Variants in RALYL observed in about 807,000 individuals in gnomAD.
RALYL encodes RNA-binding Raly-like protein.
A neutral mutation model predicts 35.1 loss-of-function variants in RALYL; 29 were observed. The ratio of observed to expected loss-of-function variants is 0.83; its 90% CI spans 0.61 to 1.13. The LOEUF (loss-of-function observed/expected upper bound fraction) is 1.13, where lower values mean the gene tolerates loss of function less well. RALYL is among the 50% of genes most tolerant of loss of function. The probability of loss-of-function intolerance (pLI) is 0.00; values close to 1 mark genes in which losing one functional copy is unlikely to be tolerated. For synonymous variants in RALYL, 120 were observed against 127.6 expected (o/e 0.94, Z 0.40); for missense variants, 359 against 360.4 (o/e 1.00, Z 0.03).
intron 8 of RALYL, chr8:84,906,961 GGGTT>G: frequency 2.0e-6 from 2 of 985,252 alleles, no homozygotes; most frequent in Non-Finnish European, 2.4e-6. Flanking sequence ...ACAAGCTCCG[GGGTT>G]GCCTGCTCCA....
chr8:84,298,970 A>G (rs7830544), intron 1 of RALYL, among the ~76,000 whole-genome samples: 7,419 of 152,078 alleles, frequency 0.049, 284 homozygotes, highest in African/African-American at 0.088. Context: ...AAGAGACTAT[A>G]GAGTTTTCTA....
intron 1 of RALYL, among the ~76,000 whole-genome samples, chr8:84,253,171 C>G (rs1830523488): frequency 9.1e-6 from 1 of 110,346 alleles, no homozygotes; most frequent in East Asian, 2.8e-4. Context: ...GTGTGTAGTT[C>G]TGCAGTTTTT....
intron 2 of RALYL, among the ~76,000 whole-genome samples, chr8:84,564,402 T>G (rs2061648282): frequency 6.6e-6 from 1 of 151,766 alleles, no homozygotes; most frequent in Non-Finnish European, 1.5e-5. Context: ...TTTCCTGGAC[T>G]AAGCTTCACC....
At chr8:84,848,849 T>C (rs1244700737) in intron 4 of RALYL, among the ~76,000 whole-genome samples, 4 of 152,170 alleles carry the variant, frequency 2.6e-5, no homozygotes, top group African/African-American at 4.8e-5. Context: ...CTTTTTTTTT[T>C]AAATTACTCC....
chr8:84,729,093 C>G (rs903970823), intron 2 of RALYL, among the ~76,000 whole-genome samples: 3 of 152,126 alleles, frequency 2.0e-5, no homozygotes, highest in Admixed American at 6.6e-5. Flanking sequence ...GATATTGATT[C>G]TTCCTACCCA....
At chr8:84,398,000 G>T (rs2042517299) in intron 1 of RALYL, among the ~76,000 whole-genome samples, 1 of 152,162 alleles carries the variant, frequency 6.6e-6, no homozygotes, top group South Asian at 2.1e-4. Flanking sequence ...TTCACTTGAG[G>T]TAAATAGTTT....
intron 1 of RALYL, among the ~76,000 whole-genome samples, chr8:84,366,542 TGAG>T (rs1231466265): frequency 6.6e-6 from 1 of 151,940 alleles, no homozygotes; most frequent in Non-Finnish European, 1.5e-5. Context: ...TTTGGGAGGC[TGAG>T]GAGGGCAGAT....
chr8:84,478,149 T>A (rs1258970205), intron 1 of RALYL, among the ~76,000 whole-genome samples: 1 of 152,142 alleles, frequency 6.6e-6, no homozygotes, highest in Non-Finnish European at 1.5e-5. Context: ...ATTGTAGATT[T>A]TTTAAATGAG....
chr8:84,699,254 A>AGATGCTCTGAGACAAAAGTTGT (rs1199575080), intron 2 of RALYL, among the ~76,000 whole-genome samples: 1 of 152,078 alleles, frequency 6.6e-6, no homozygotes, highest in Non-Finnish European at 1.5e-5. Flanking sequence ...GACACAGTGG[A>AGATGCTCTGAGACAAAAGTTGT]GATGCTCTGA....
intron 1 of RALYL, among the ~76,000 whole-genome samples, chr8:84,443,813 A>T (rs570838924): frequency 6.6e-6 from 1 of 152,254 alleles, no homozygotes; most frequent in South Asian, 2.1e-4. Flanking sequence ...GATATAAAAA[A>T]TGCTTCACCT....
chr8:84,840,362 G>A (rs1283891526), intron 4 of RALYL, among the ~76,000 whole-genome samples: 1 of 152,084 alleles, frequency 6.6e-6, no homozygotes, highest in Admixed American at 6.6e-5. Flanking sequence ...TGGAAGAAAG[G>A]GTATCAGTGA....
At chr8:84,651,791 A>G (rs374701338) in intron 2 of RALYL, among the ~76,000 whole-genome samples, 27 of 152,042 alleles carry the variant, frequency 1.8e-4, no homozygotes, top group African/African-American at 6.0e-4. Flanking sequence ...GGAGCAAAGT[A>G]GGTAATGTAT....
chr8:84,563,517 G>C (rs1006870491), intron 2 of RALYL, among the ~76,000 whole-genome samples: 1 of 151,428 alleles, frequency 6.6e-6, no homozygotes, highest in Non-Finnish European at 1.5e-5. Flanking sequence ...GTAGTTTGGG[G>C]CAGATTTAGA....
intron 2 of RALYL, among the ~76,000 whole-genome samples, chr8:84,661,464 G>A (rs894527235): frequency 3.3e-5 from 5 of 151,764 alleles, no homozygotes; most frequent in African/African-American, 1.2e-4. Context: ...CAAATCAAAT[G>A]TGCTTTTTAT....
chr8:84,604,186 C>A (rs1816611454), intron 2 of RALYL, among the ~76,000 whole-genome samples: 1 of 152,092 alleles, frequency 6.6e-6, no homozygotes, highest in South Asian at 2.1e-4. Flanking sequence ...GAATCTCTTA[C>A]AATAAATAAT....
At chr8:84,416,065 A>G (rs745384541) in intron 1 of RALYL, among the ~76,000 whole-genome samples, 5 of 152,216 alleles carry the variant, frequency 3.3e-5, no homozygotes, top group Non-Finnish European at 7.3e-5. Context: ...TTTACTGTTT[A>G]TGTGGCATTT....
intron 5 of RALYL, among the ~76,000 whole-genome samples, chr8:84,851,951 G>A (rs1835938739): frequency 6.6e-6 from 1 of 152,170 alleles, no homozygotes; most frequent in Admixed American, 6.5e-5. Flanking sequence ...ACAATGTTCA[G>A]TTTTGCTTAT....
At chr8:84,605,638 G>A (rs1312144858) in intron 2 of RALYL, among the ~76,000 whole-genome samples, 1 of 152,088 alleles carries the variant, frequency 6.6e-6, no homozygotes, top group African/African-American at 2.4e-5. Flanking sequence ...TGTGTACATT[G>A]GGTCTATTAT....
chr8:84,224,766 C>T (rs1823423188), intron 1 of RALYL, among the ~76,000 whole-genome samples: 1 of 151,888 alleles, frequency 6.6e-6, no homozygotes, highest in Non-Finnish European at 1.5e-5. Context: ...AAGCAATTCT[C>T]CTGCCTCAGC....
Sources: gnomAD v4.1 joint callset for allele counts (sites outside exome capture counted in the v4.1 genomes callset) on GRCh38, gnomAD v4.1.1 for gene constraint, MANE v1.5 for transcripts, NCBI Gene and HGNC (gene_info 2026-07-23, HGNC 2026-07-21) for gene names.